VWA8: variants seen among roughly 807,000 people sequenced by gnomAD.
VWA8 encodes von Willebrand factor A domain containing 8, also known as von Willebrand factor A domain-containing protein 8.
VWA8 carries 221 observed loss-of-function variants against 241.5 expected under a neutral mutation model. The observed-to-expected ratio is 0.91, with a 90% CI of 0.82 to 1.02. VWA8 has a LOEUF of 1.02. Among genes scored for constraint, VWA8 ranks in the 50% least tolerant of loss-of-function variants. The pLI is 0.00. For missense variants in VWA8, 2,322 were observed against 2,328.7 expected, an observed-to-expected ratio of 1.00 and a Z score of 0.06; for synonymous variants, 852 against 827.1, an observed-to-expected ratio of 1.03 and a Z score of -0.52.
At chr13:41,905,315 T>C (rs1875655896) in intron 4 of VWA8, 1 of 152,074 alleles carries the variant, frequency 6.6e-6, no homozygotes, top group African/African-American at 2.4e-5. Flanking sequence ...CAAGAGAGAA[T>C]TTTTCATTAC....
intron 21 of VWA8, among the ~76,000 whole-genome samples, chr13:41,739,829 T>C (rs1485722586): frequency 1.3e-5 from 1 of 78,724 alleles, no homozygotes; most frequent in Non-Finnish European, 2.3e-5. Context: ...GTTTTTTTGT[T>C]TTTTTTTTTG....
chr13:41,645,954 A>C (rs1014898657), intron 37 of VWA8, among the ~76,000 whole-genome samples: 2 of 151,688 alleles, frequency 1.3e-5, no homozygotes, highest in Non-Finnish European at 2.9e-5. Flanking sequence ...GATTCTTATC[A>C]AATTTTCCTG....
At chr13:41,942,704 C>T (rs1877659005) in intron 2 of VWA8, among the ~76,000 whole-genome samples, 1 of 152,176 alleles carries the variant, frequency 6.6e-6, no homozygotes, top group East Asian at 1.9e-4. Flanking sequence ...CTGAAGCATG[C>T]TGGACCTTTC....
intron 17 of VWA8, among the ~76,000 whole-genome samples, chr13:41,802,489 A>G (rs1209286629): frequency 6.6e-6 from 1 of 152,138 alleles, no homozygotes; most frequent in Non-Finnish European, 1.5e-5. Context: ...AGTGCATGTG[A>G]CCCAGTCAGA....
At chr13:41,828,846 T>C (rs928468453) in intron 14 of VWA8, among the ~76,000 whole-genome samples, 2 of 152,210 alleles carry the variant, frequency 1.3e-5, no homozygotes, top group Admixed American at 6.5e-5. Flanking sequence ...TATTTAAACT[T>C]TTCTAATTTT....
intron 20 of VWA8, among the ~76,000 whole-genome samples, chr13:41,772,475 AT>A (rs1454822694): frequency 6.6e-6 from 1 of 152,186 alleles, no homozygotes; most frequent in Non-Finnish European, 1.5e-5. Flanking sequence ...CAAAAAAAAA[AT>A]CAGCATGAAG....
chr13:41,703,997 T>C (rs974124524), intron 26 of VWA8, among the ~76,000 whole-genome samples: 3 of 152,076 alleles, frequency 2.0e-5, no homozygotes, highest in Non-Finnish European at 4.4e-5. Flanking sequence ...CGACCTCAGG[T>C]GATCTGCCCG....
At position 41,811,214 on chromosome 13, in the gene VWA8, AAT is replaced by A; in HGVS notation, c.2063+9_2063+10del. The A allele has an allele frequency of 1.3e-6, 2 of 1,593,972 alleles. No individual in the cohort carries two copies. Among genetic ancestry groups the A allele is most frequent in the South Asian group, 2.2e-5 (2 of 89,942 alleles). ...CAGAAACTTACACGCAGTGAGAAAG[AAT>A]ATGTTTACCTGGAAAGGCAGGCTTT... On this transcript the variant is annotated intron_variant, in intron 17 of 44. Transcript: ENST00000379310.
chr13:41,689,833 A>G (rs902750115), intron 33 of VWA8, among the ~76,000 whole-genome samples: 4 of 152,010 alleles, frequency 2.6e-5, no homozygotes, highest in African/African-American at 9.7e-5. Flanking sequence ...CGTAAGTACT[A>G]TTCATCCCCC....
At position 41,719,689 on chromosome 13, in the gene VWA8, ATCAAAG is replaced by A. The variant is rs2045370499; in HGVS notation, c.3012_3017del (p.Phe1005_Asp1006del). On this transcript the variant is annotated inframe_deletion, in exon 26 of 45. Transcript: ENST00000379310. ...TCTCCCTCATGTCATTGTTGTAGGA[ATCAAAG>A]TCAAACACATTTCGAACTACACTGG... 6.2e-7 allele frequency: 1 copy of A among 1,613,240 alleles called. No homozygotes were observed. Among genetic ancestry groups the A allele is most frequent in the South Asian group, 1.1e-5 (1 of 91,056 alleles).
At position 41,849,235 on chromosome 13, in the gene VWA8, A is replaced by C. The variant is rs79720022; in HGVS notation, c.1426-15704T>G. Reference sequence around the variant, plus strand: ...TTTAATAGGGGAAGAATACAAAACTAAGCATTTAGGAATCATAAAAGGCAT... The same window carrying C: ...TTTAATAGGGGAAGAATACAAAACTCAGCATTTAGGAATCATAAAAGGCAT... On this transcript the variant is annotated intron_variant, in intron 12 of 44. Coordinates refer to ENST00000379310, the MANE Select transcript of VWA8 (RefSeq NM_015058.2). Among the ~76,000 whole-genome samples the C allele has an allele frequency of 8.5e-5, 13 of 152,344 alleles. No homozygotes were observed. The East Asian group carries it at 2.5e-3, about 29-fold the overall frequency.
In VWA8 at chr13:41,689,468, T is replaced by C; in HGVS notation, c.4017A>G (p.Gln1339=). The C allele has an allele frequency of 6.2e-7, 1 of 1,611,434 alleles. No homozygotes were observed. Among genetic ancestry groups the C allele is most frequent in the Non-Finnish European group, 8.5e-7 (1 of 1,178,912 alleles). Residue 1339 remains glutamine (Q), a synonymous_variant, in exon 34 of 45, where the codon CAA becomes CAG. Transcript: ENST00000379310. ...FSIPHKISSD[Q]LSSEHLSSAV... ...CTGAACTTAGATGTTCAGATGATAG[T>C]TGATCACTGGAAATTTTATGAGGTA...
chr13:41,647,902 T>C (rs889512370), intron 37 of VWA8, among the ~76,000 whole-genome samples: 1 of 151,784 alleles, frequency 6.6e-6, no homozygotes, highest in African/African-American at 2.4e-5. Context: ...AGCAGGAGAA[T>C]CGCCTAAACC....
At chr13:41,926,285 C>T (rs1876829392) in intron 2 of VWA8, 5 of 636,140 alleles carry the variant, frequency 7.9e-6, no homozygotes, top group Non-Finnish European at 1.2e-5. Context: ...ATCAGAAATA[C>T]TTGGACTTGA....
chr13:41,575,696 C>CTGAT (rs753539789), intron 43 of VWA8, 44 bp downstream of exon 43: 6 of 1,444,610 alleles, frequency 4.2e-6, no homozygotes, highest in Non-Finnish European at 5.8e-6. Flanking sequence ...TTTACCTAAC[C>CTGAT]TGATAGAAGC....
At chr13:41,806,522 T>G (rs1273483024) in intron 17 of VWA8, among the ~76,000 whole-genome samples, 1 of 151,926 alleles carries the variant, frequency 6.6e-6, no homozygotes, top group Non-Finnish European at 1.5e-5. Context: ...GCCAATATGG[T>G]GAAACCCCAT....
chr13:41,673,530 C>T (rs1646501614), intron 36 of VWA8, among the ~76,000 whole-genome samples: 1 of 151,966 alleles, frequency 6.6e-6, no homozygotes, highest in African/African-American at 2.4e-5. Flanking sequence ...TGTGGCAAGT[C>T]CAAATGGAGA....
rs536079006 is a variant in VWA8 at position 41,880,262 on chromosome 13, A to AT, written c.1080+3124dup. Among the ~76,000 whole-genome samples, 267 of 152,234 alleles carry AT rather than the reference A, an allele frequency of 1.8e-3. 2 individuals are homozygous for AT. Among genetic ancestry groups the AT allele is most frequent in the African/African-American group, 5.8e-3 (242 of 41,540 alleles). On this transcript the variant is annotated intron_variant, in intron 9 of 44. Transcript: ENST00000379310. ...TCACCCAGTTTCCTCAATGGTTAACATTTTTTTAGCACATTTCCCCCTCCC... is the reference window on the plus strand; with the variant it reads ...TCACCCAGTTTCCTCAATGGTTAACATTTTTTTTAGCACATTTCCCCCTCCC...
Position 41,579,889 on chromosome 13 carries a change from C to T in VWA8, c.5272-4051G>A, listed in dbSNP as rs898279682. On this transcript the variant is annotated intron_variant, in intron 42 of 44. Transcript: ENST00000379310. ...TTGAGACAGGGTCTTGCTCATTGGC[C>T]AGACTGGAATGCACTGGTACGATCA... Among the ~76,000 whole-genome samples the T allele has an allele frequency of 7.2e-5, 11 of 152,072 alleles. No individual in the cohort carries two copies. In the South Asian group the frequency reaches 1.0e-3, roughly 14 times the overall value.
Sources: gnomAD v4.1 joint callset for allele counts (sites outside exome capture counted in the v4.1 genomes callset) on GRCh38, gnomAD v4.1.1 for gene constraint, MANE v1.5 for transcripts, NCBI Gene and HGNC (gene_info 2026-07-23, HGNC 2026-07-21) for gene names.